Variants in SESTD1 observed in about 807,000 individuals in gnomAD.
The protein encoded by SESTD1 is SEC14 and spectrin domain containing 1.
SESTD1 carries 43 observed loss-of-function variants against 101.7 expected under a neutral mutation model. The ratio of observed to expected loss-of-function variants is 0.42; its 90% CI spans 0.33 to 0.55. The LOEUF is 0.55. Ranked by LOEUF, SESTD1 falls within the 20% of genes least tolerant of loss-of-function variation. The probability of loss-of-function intolerance (pLI) is 0.07; values close to 1 mark genes in which losing one functional copy is unlikely to be tolerated. For synonymous variants in SESTD1, 283 were observed against 286.8 expected (o/e 0.99, Z 0.13); for missense variants, 647 against 815.1 (o/e 0.79, Z 2.51).
intron 3 of SESTD1, among the ~76,000 whole-genome samples, chr2:179,178,436 G>C (rs1243903423): frequency 6.6e-6 from 1 of 152,096 alleles, no homozygotes; most frequent in Non-Finnish European, 1.5e-5. Context: ...TTTGAGGCCA[G>C]CATGGGAGAC....
chr2:179,109,852 C>CAAGT lies in SESTD1; in HGVS notation c.*46_*47insACTT, dbSNP rs767366852. 6.2e-7 allele frequency: 1 copy of CAAGT among 1,604,376 alleles called. No homozygotes were observed. Among genetic ancestry groups the CAAGT allele is most frequent in the South Asian group, 1.1e-5 (1 of 90,092 alleles). ...GGTGGCTAATGCTGTAGTATGTTGA[C>CAAGT]AACATGCGGGATTATGAACTGCAAA... is the stretch of plus-strand genomic sequence containing the variant. On this transcript the variant is annotated 3_prime_UTR_variant, in exon 18 of 18. Coordinates refer to ENST00000428443, the MANE Select transcript of SESTD1 (RefSeq NM_178123.5).
Position 179,103,904 on chromosome 2 carries a change from CTAGT to C in SESTD1, c.*5991_*5994del, listed in dbSNP as rs1342749255. 2 of 152,034 alleles carry C rather than the reference CTAGT, an allele frequency of 1.3e-5. No homozygotes were observed. Among genetic ancestry groups the C allele is most frequent in the Non-Finnish European group, 2.9e-5 (2 of 68,014 alleles). The allele number at this position is 152,034 out of a possible 1,614,324, so 9.4% of individuals were successfully genotyped here. A position where few individuals can be genotyped will look rare whatever the true frequency, so the allele number is the denominator to read the frequency against. On this transcript the variant is annotated 3_prime_UTR_variant, in exon 18 of 18. Coordinates refer to ENST00000428443, the MANE Select transcript of SESTD1 (RefSeq NM_178123.5). ...TATGTAAAAAAGCCAACAATGAACTCTAGTTAATGATATGCAATTTAAAATGCAT... is the reference window on the plus strand; with the variant it reads ...TATGTAAAAAAGCCAACAATGAACTCTAATGATATGCAATTTAAAATGCAT...
At chr2:179,218,411 T>C (rs2046756140) in intron 1 of SESTD1, among the ~76,000 whole-genome samples, 1 of 152,230 alleles carries the variant, frequency 6.6e-6, no homozygotes, top group South Asian at 2.1e-4. Context: ...ATATGGTCAT[T>C]TAAAGCAGCA....
intron 5 of SESTD1, among the ~76,000 whole-genome samples, chr2:179,156,299 G>A (rs1056989320): frequency 6.6e-6 from 1 of 152,164 alleles, no homozygotes; most frequent in Non-Finnish European, 1.5e-5. Flanking sequence ...AAACACGCAT[G>A]TTCAAGTATC....
At position 179,190,726 on chromosome 2, in the gene SESTD1, G is replaced by GAC. The variant is rs1171352526; in HGVS notation, c.55+1059_55+1060dup. 5.3e-5 allele frequency among the ~76,000 whole-genome samples: 8 copies of GAC among 152,200 alleles called. No homozygotes were observed. The South Asian group carries it at 1.0e-3, about 20-fold the overall frequency. The stretch of plus-strand genomic sequence containing the variant: ...TAACCCCATTAAAAAGTGGGCAAAG[G>GAC]ACATGAACAGACATTTCTCAAAAGA... On this transcript the variant is annotated intron_variant, in intron 2 of 17. Coordinates refer to ENST00000428443, the MANE Select transcript of SESTD1 (RefSeq NM_178123.5).
At chr2:179,238,219 G>C (rs911892927) in intron 1 of SESTD1, among the ~76,000 whole-genome samples, 1 of 152,122 alleles carries the variant, frequency 6.6e-6, no homozygotes, top group Non-Finnish European at 1.5e-5. Context: ...AGTGGAGGAA[G>C]AGGATAGGTT....
intron 13 of SESTD1, among the ~76,000 whole-genome samples, chr2:179,120,980 C>T (rs556812430): frequency 2.2e-4 from 33 of 152,266 alleles, no homozygotes; most frequent in African/African-American, 7.9e-4. Context: ...TGATCAGAAT[C>T]AGAGCCTAAA....
intron 1 of SESTD1, among the ~76,000 whole-genome samples, chr2:179,253,052 G>A (rs1262674171): frequency 2.0e-5 from 3 of 152,126 alleles, no homozygotes; most frequent in Non-Finnish European, 2.9e-5. Flanking sequence ...TACATAGGTG[G>A]CTAGGCTGAC....
intron 2 of SESTD1, among the ~76,000 whole-genome samples, chr2:179,184,112 G>A (rs116686347): frequency 5.7e-4 from 87 of 152,236 alleles, no homozygotes; most frequent in African/African-American, 2.0e-3. Context: ...GTAGAATACA[G>A]TTACATTCCA....
intron 11 of SESTD1, 42 bp from the exon 12 acceptor site, chr2:179,123,871 A>C (rs773060588): frequency 3.5e-6 from 5 of 1,418,202 alleles, no homozygotes; most frequent in South Asian, 1.2e-5. Flanking sequence ...TGATGTAATC[A>C]GCATCTAAAG....
intron 3 of SESTD1, among the ~76,000 whole-genome samples, chr2:179,182,650 T>C (rs1231069305): frequency 6.6e-6 from 1 of 152,070 alleles, no homozygotes; most frequent in Admixed American, 6.6e-5. Context: ...TAAACAAACA[T>C]TTTTGACATT....
At chr2:179,242,357 A>G (rs2047166294) in intron 1 of SESTD1, among the ~76,000 whole-genome samples, 1 of 152,234 alleles carries the variant, frequency 6.6e-6, no homozygotes, top group African/African-American at 2.4e-5. Context: ...CATGAATTGG[A>G]AGAATCAACA....
At chr2:179,185,734 A>AATATAGTATATTATATACAAT (rs375623753) in intron 2 of SESTD1, among the ~76,000 whole-genome samples, 2 of 55,154 alleles carry the variant, frequency 3.6e-5, no homozygotes, top group African/African-American at 1.8e-4. Flanking sequence ...TATTATATAT[A>AATATAGTATATTATATACAAT]ATATAATATA....
At position 179,262,519 on chromosome 2, in the gene SESTD1, G is replaced by A. The variant is rs191454503; in HGVS notation, c.-26+1980C>T. On this transcript the variant is annotated intron_variant, in intron 1 of 17. Coordinates refer to ENST00000428443, the MANE Select transcript of SESTD1 (RefSeq NM_178123.5). ...AATATTCTACTTTCCTCAAGAGGTT[G>A]CTCATGTTGCTTGTAACAGCTTTAA... Among the ~76,000 whole-genome samples, 308 of 152,194 alleles carry A rather than the reference G, an allele frequency of 2.0e-3. 1 individual carries two copies. Among genetic ancestry groups the A allele is most frequent in the African/African-American group, 7.0e-3 (290 of 41,546 alleles).
chr2:179,181,327 A>G (rs937998888), intron 3 of SESTD1, among the ~76,000 whole-genome samples: 2 of 152,108 alleles, frequency 1.3e-5, no homozygotes, highest in Non-Finnish European at 2.9e-5. Context: ...ATACACAAAC[A>G]TGCATTTTCT....
chr2:179,226,679 C>T (rs1014619205), intron 1 of SESTD1, among the ~76,000 whole-genome samples: 1 of 152,124 alleles, frequency 6.6e-6, no homozygotes, highest in Non-Finnish European at 1.5e-5. Context: ...GGGCATGATG[C>T]ATATTAACAC....
rs182218081 is a variant in SESTD1, at chr2:179,172,345, G to T, written c.256-112C>A. The stretch of plus-strand genomic sequence containing the variant: ...TGCTACATAAGAGATTTTTGGAGAA[G>T]AATTAAAATAATAAAGAAGAAATTC... On this transcript the variant is annotated intron_variant, in intron 4 of 17. Transcript: ENST00000428443. 5.6e-4 allele frequency: 322 copies of T among 572,650 alleles called. 3 individuals carry two copies. The East Asian group carries it at 7.5e-3, about 13-fold the overall frequency. 35.5% of individuals were successfully genotyped at this position (572,650 alleles called of 1,614,324 possible). A position where few individuals can be genotyped will look rare whatever the true frequency, so the allele number is the denominator to read the frequency against.
chr2:179,198,186 A>G (rs1050509531), intron 1 of SESTD1, among the ~76,000 whole-genome samples: 2 of 152,222 alleles, frequency 1.3e-5, no homozygotes, highest in African/African-American at 4.8e-5. Context: ...CAGACTTTAA[A>G]CCAACAAAGA....
chr2:179,254,100 G>GA (rs199995870), intron 1 of SESTD1, among the ~76,000 whole-genome samples: 8,607 of 146,500 alleles, frequency 0.059, 307 homozygotes, highest in South Asian at 0.11. Flanking sequence ...ACCTTGTCTC[G>GA]AAAAAAAAAT....
Sources: gnomAD v4.1 joint callset for allele counts (sites outside exome capture counted in the v4.1 genomes callset) on GRCh38, gnomAD v4.1.1 for gene constraint, MANE v1.5 for transcripts, NCBI Gene and HGNC (gene_info 2026-07-23, HGNC 2026-07-21) for gene names.